Variants in CACNB2 observed in about 807,000 individuals in gnomAD.
The protein encoded by CACNB2 is voltage-dependent L-type calcium channel subunit beta-2.
CACNB2 carries 42 observed loss-of-function variants against 73.3 expected under a neutral mutation model. The observed-to-expected ratio is 0.57, with a 90% CI of 0.45 to 0.74. The LOEUF (loss-of-function observed/expected upper bound fraction) is 0.74, where lower values mean the gene tolerates loss of function less well. Among genes scored for constraint, CACNB2 ranks in the 30% least tolerant of loss-of-function variants. The probability of loss-of-function intolerance (pLI) is 0.00; values close to 1 mark genes in which losing one functional copy is unlikely to be tolerated. For synonymous variants in CACNB2, 348 were observed against 310.3 expected, an observed-to-expected ratio of 1.12 and a Z score of -1.28; for missense variants, 940 against 853.0, an observed-to-expected ratio of 1.10 and a Z score of -1.27.
intron 2 of CACNB2, among the ~76,000 whole-genome samples, chr10:18,363,573 CCTTCAGT>C (rs1466370739): frequency 6.6e-6 from 1 of 152,156 alleles, no homozygotes; most frequent in Non-Finnish European, 1.5e-5. Context: ...CCTTCCATTC[CCTTCAGT>C]CTTCTATTCT....
chr10:18,333,102 A>G (rs1197276545), intron 2 of CACNB2, among the ~76,000 whole-genome samples: 2 of 152,168 alleles, frequency 1.3e-5, no homozygotes, highest in African/African-American at 4.8e-5. Flanking sequence ...CATTAATAAC[A>G]GTAGGTTCTC....
intron 3 of CACNB2, among the ~76,000 whole-genome samples, chr10:18,469,849 C>G (rs1412229777): frequency 6.6e-6 from 1 of 152,100 alleles, no homozygotes; most frequent in Non-Finnish European, 1.5e-5. Context: ...CCTCCCTACT[C>G]TTTATTAAAA....
intron 2 of CACNB2, among the ~76,000 whole-genome samples, chr10:18,236,446 T>G: frequency 6.6e-6 from 1 of 152,224 alleles, no homozygotes; most frequent in East Asian, 1.9e-4. Context: ...ATTCTGCAGG[T>G]GCCTACAGCT....
chr10:18,420,914 A>G (rs917647506), intron 3 of CACNB2, among the ~76,000 whole-genome samples: 20 of 152,236 alleles, frequency 1.3e-4, no homozygotes, highest in African/African-American at 4.8e-4. Context: ...TTATGCCTGA[A>G]AATAATACTT....
chr10:18,223,340 G>A (rs1010053914), intron 2 of CACNB2, among the ~76,000 whole-genome samples: 2 of 152,122 alleles, frequency 1.3e-5, no homozygotes, highest in African/African-American at 4.8e-5. Context: ...CATTAAAGAG[G>A]CTAGTCAGTA....
intron 2 of CACNB2, chr10:18,261,110 C>A: frequency 2.7e-6 from 4 of 1,476,314 alleles, no homozygotes; most frequent in Non-Finnish European, 3.6e-6. Flanking sequence ...GGAACGGTGG[C>A]TTTTTTAGAA....
At chr10:18,173,296 C>T (rs1387837265) in intron 2 of CACNB2, among the ~76,000 whole-genome samples, 3 of 152,304 alleles carry the variant, frequency 2.0e-5, no homozygotes, top group South Asian at 4.1e-4. Context: ...TTATTAAATA[C>T]TCTTTAATGG....
chr10:18,361,144 A>G (rs981298736), intron 2 of CACNB2, among the ~76,000 whole-genome samples: 2 of 151,746 alleles, frequency 1.3e-5, no homozygotes, highest in Admixed American at 6.6e-5. Flanking sequence ...TGCTTGGAGC[A>G]TCTGTGTCTT....
intron 2 of CACNB2, among the ~76,000 whole-genome samples, chr10:18,285,711 G>A (rs1368323432): frequency 6.6e-6 from 1 of 152,194 alleles, no homozygotes; most frequent in South Asian, 2.1e-4. Flanking sequence ...TTAAATATCA[G>A]CAAGCTTTTA....
intron 2 of CACNB2, among the ~76,000 whole-genome samples, chr10:18,249,238 CAACT>C (rs1335737745): frequency 6.6e-6 from 1 of 152,162 alleles, no homozygotes; most frequent in Non-Finnish European, 1.5e-5. Context: ...GTGGGTGAAC[CAACT>C]AAGAGTCTAT....
intron 1 of CACNB2, among the ~76,000 whole-genome samples, chr10:18,147,206 G>T (rs1224163646): frequency 1.3e-5 from 2 of 152,058 alleles, no homozygotes; most frequent in Non-Finnish European, 2.9e-5. Context: ...AAGTTACTTC[G>T]TGTCAAGGAA....
chr10:18,152,244 T>C (rs1437978462), intron 2 of CACNB2, among the ~76,000 whole-genome samples: 1 of 152,176 alleles, frequency 6.6e-6, no homozygotes, highest in Admixed American at 6.6e-5. Flanking sequence ...CATTTGAGTA[T>C]GCCAGTGGTA....
At chr10:18,233,300 G>A (rs1450290412) in intron 2 of CACNB2, among the ~76,000 whole-genome samples, 1 of 152,074 alleles carries the variant, frequency 6.6e-6, no homozygotes, top group African/African-American at 2.4e-5. Flanking sequence ...TATGCTTGAG[G>A]ATGGGACACT....
At chr10:18,262,004 G>T in intron 2 of CACNB2, 1 of 518,860 alleles carries the variant, frequency 1.9e-6, no homozygotes, top group Non-Finnish European at 3.8e-6. Context: ...CCGAGCAAGC[G>T]CTGGCTTGAT....
chr10:18,290,776 C>G (rs1373206651), intron 2 of CACNB2, among the ~76,000 whole-genome samples: 1 of 152,158 alleles, frequency 6.6e-6, no homozygotes. Context: ...AGGGGGAAGG[C>G]AGAGGTCCGC....
chr10:18,402,814 C>G (rs999216216), intron 3 of CACNB2, among the ~76,000 whole-genome samples: 1 of 152,144 alleles, frequency 6.6e-6, no homozygotes, highest in African/African-American at 2.4e-5. Flanking sequence ...CTCAATGAAC[C>G]TATTTTAACA....
At chr10:18,369,980 A>G (rs980822868) in intron 2 of CACNB2, among the ~76,000 whole-genome samples, 2 of 152,206 alleles carry the variant, frequency 1.3e-5, no homozygotes, top group Non-Finnish European at 2.9e-5. Context: ...CCACTGATAA[A>G]TGACCTGCCA....
intron 3 of CACNB2, among the ~76,000 whole-genome samples, chr10:18,426,693 T>A (rs916859601): frequency 6.6e-6 from 1 of 152,138 alleles, no homozygotes; most frequent in African/African-American, 2.4e-5. Context: ...TAAAAATAAA[T>A]TAAAAAATAA....
intron 2 of CACNB2, among the ~76,000 whole-genome samples, chr10:18,325,070 C>T (rs1436339639): frequency 1.3e-5 from 2 of 152,224 alleles, no homozygotes; most frequent in Admixed American, 6.5e-5. Flanking sequence ...GAACAAGGGA[C>T]ACCACATTTT....
Sources: gnomAD v4.1 joint callset for allele counts (sites outside exome capture counted in the v4.1 genomes callset) on GRCh38, gnomAD v4.1.1 for gene constraint, MANE v1.5 for transcripts, NCBI Gene and HGNC (gene_info 2026-07-23, HGNC 2026-07-21) for gene names.